TSPAN9: variants seen among roughly 807,000 people sequenced by gnomAD.
TSPAN9 encodes tetraspanin-9.
Under a neutral mutation model 31.0 loss-of-function variants are expected in TSPAN9, and 16 were observed. The observed-to-expected ratio is 0.52, with a 90% CI of 0.35 to 0.78. TSPAN9 has a LOEUF of 0.78. Among genes scored for constraint, TSPAN9 ranks in the 30% least tolerant of loss-of-function variants. The pLI is 0.01. For synonymous variants in TSPAN9, 145 were observed against 121.6 expected (o/e 1.19, Z -1.27); for missense variants, 272 against 312.5 (o/e 0.87, Z 0.98).
intron 3 of TSPAN9, among the ~76,000 whole-genome samples, chr12:3,229,144 G>C (rs1565623529): frequency 6.6e-6 from 1 of 152,200 alleles, no homozygotes; most frequent in South Asian, 2.1e-4. Flanking sequence ...GTTATCTTTG[G>C]AGCCACCATT....
intron 8 of TSPAN9, among the ~76,000 whole-genome samples, chr12:3,282,779 T>C (rs1474053225): frequency 1.3e-5 from 2 of 152,150 alleles, no homozygotes; most frequent in Admixed American, 1.3e-4. Flanking sequence ...CCCCTCTGAG[T>C]AGGCACACGT....
In TSPAN9 at chr12:3,170,832, G is replaced by A. The variant is rs902929904; in HGVS notation, c.-17-30345G>A. On this transcript the variant is annotated intron_variant, in intron 2 of 8. Coordinates refer to ENST00000011898, the MANE Select transcript of TSPAN9 (RefSeq NM_006675.5). This position sits in a 1 kb window ranked among gnomAD's most constrained non-coding sequence, Gnocchi z 4.4. Reference sequence around the variant, plus strand: ...CCATCACCTCGTTTTCTGCCGGGCAGGGACTCCTGGGTTGGCGCTCTCTAA... The same window carrying A: ...CCATCACCTCGTTTTCTGCCGGGCAAGGACTCCTGGGTTGGCGCTCTCTAA... 6.6e-6 allele frequency among the ~76,000 whole-genome samples: 1 copy of A among 152,172 alleles called. No homozygotes were observed. The highest frequency in any genetic ancestry group is 2.4e-5 in the African/African-American group (1 of 41,432).
chr12:3,255,512 A>C (rs1335290270), intron 3 of TSPAN9, among the ~76,000 whole-genome samples: 1 of 147,636 alleles, frequency 6.8e-6, no homozygotes, highest in Non-Finnish European at 1.5e-5. Flanking sequence ...CATATTCCTG[A>C]GATTGTCCCT....
At chr12:3,275,917 T>C (rs953348815) in intron 3 of TSPAN9, among the ~76,000 whole-genome samples, 1 of 152,200 alleles carries the variant, frequency 6.6e-6, no homozygotes, top group African/African-American at 2.4e-5. Flanking sequence ...ACCTTTCTGG[T>C]TCCCCATTTA....
intron 2 of TSPAN9, among the ~76,000 whole-genome samples, chr12:3,112,675 G>GT (rs2098319685): frequency 2.1e-5 from 2 of 93,276 alleles, no homozygotes; most frequent in East Asian, 3.4e-4. Context: ...ATTTATTTTT[G>GT]CTTTTTTTTT....
chr12:3,235,115 GGAGCTTGCAGTGAGCA>G (rs200303714), intron 3 of TSPAN9, among the ~76,000 whole-genome samples: 34,061 of 135,418 alleles, frequency 0.25, 4,847 homozygotes, highest in East Asian at 0.41. Context: ...TGCAGTGAGC[GGAGCTTGCAGTGAGCA>G]GAGCTTGCGC....
intron 3 of TSPAN9, among the ~76,000 whole-genome samples, chr12:3,210,765 G>A (rs1361410405): frequency 6.7e-6 from 1 of 148,584 alleles, no homozygotes; most frequent in East Asian, 2.0e-4. Flanking sequence ...TCCTTTTGAG[G>A]CAGGGTCTCA....
chr12:3,093,064 G>A (rs1360112539), intron 2 of TSPAN9, among the ~76,000 whole-genome samples: 44 of 152,222 alleles, frequency 2.9e-4, no homozygotes, highest in African/African-American at 9.4e-4. Flanking sequence ...GAGTCCTGGC[G>A]TTGTCCTGAA....
Position 3,170,931 on chromosome 12 carries a change from T to C in TSPAN9, c.-17-30246T>C, listed in dbSNP as rs111770250. 3.1e-3 allele frequency among the ~76,000 whole-genome samples: 465 copies of C among 152,296 alleles called. 2 individuals are homozygous for C. The highest frequency in any genetic ancestry group is 0.011 in the African/African-American group (446 of 41,556). On this transcript the variant is annotated intron_variant, in intron 2 of 8. Coordinates refer to ENST00000011898, the MANE Select transcript of TSPAN9 (RefSeq NM_006675.5). This position sits in a 1 kb window ranked among gnomAD's most constrained non-coding sequence, Gnocchi z 4.4. Reference sequence around the variant, plus strand: ...TCTGCGTCTCCACTTGGATGACTAATAGACGTCCTAATGTACTGAAAAGCA... The same window carrying C: ...TCTGCGTCTCCACTTGGATGACTAACAGACGTCCTAATGTACTGAAAAGCA...
intron 3 of TSPAN9, among the ~76,000 whole-genome samples, chr12:3,274,946 C>T (rs1031263819): frequency 6.6e-6 from 1 of 152,218 alleles, no homozygotes; most frequent in South Asian, 2.1e-4. Flanking sequence ...ACTGCGCCCC[C>T]GTAGGGTAGG....
At chr12:3,188,569 G>C (rs1325386766) in intron 2 of TSPAN9, among the ~76,000 whole-genome samples, 1 of 152,202 alleles carries the variant, frequency 6.6e-6, no homozygotes, top group Non-Finnish European at 1.5e-5. Context: ...GCAGCAGTGT[G>C]GGGGAGGGGA....
chr12:3,121,659 T>G (rs1372861575), intron 2 of TSPAN9, among the ~76,000 whole-genome samples: 2 of 150,062 alleles, frequency 1.3e-5, no homozygotes, highest in Non-Finnish European at 2.9e-5. Flanking sequence ...GTTATAGATA[T>G]GAGCCACTGC....
At chr12:3,109,116 T>C (rs1018348624) in intron 2 of TSPAN9, among the ~76,000 whole-genome samples, 2 of 151,826 alleles carry the variant, frequency 1.3e-5, no homozygotes, top group Non-Finnish European at 2.9e-5. Flanking sequence ...TTTGCATTTT[T>C]AGTAGAGACG....
At chr12:3,213,699 TG>T (rs1489704890) in intron 3 of TSPAN9, among the ~76,000 whole-genome samples, 1 of 151,908 alleles carries the variant, frequency 6.6e-6, no homozygotes, top group East Asian at 1.9e-4. Flanking sequence ...GTCTGAAAAG[TG>T]CATATTTCAC....
At chr12:3,219,161 C>T (rs758642074) in intron 3 of TSPAN9, among the ~76,000 whole-genome samples, 2 of 152,196 alleles carry the variant, frequency 1.3e-5, no homozygotes, top group Non-Finnish European at 1.5e-5. Context: ...TGTGTAAGCT[C>T]GGAGTTGGAC....
At position 3,192,731 on chromosome 12, in the gene TSPAN9, G is replaced by A. The variant is rs986310573; in HGVS notation, c.-17-8446G>A. Among the ~76,000 whole-genome samples, 1 of 152,124 alleles carries A rather than the reference G, an allele frequency of 6.6e-6. No individual in the cohort carries two copies. Among genetic ancestry groups the A allele is most frequent in the Non-Finnish European group, 1.5e-5 (1 of 68,030 alleles). ...AGCATGCAGATGGCCCTGGAACGGAGGAGATGGTCATATAGAGGAAAGTTG... is the reference window on the plus strand; with the variant it reads ...AGCATGCAGATGGCCCTGGAACGGAAGAGATGGTCATATAGAGGAAAGTTG... On this transcript the variant is annotated intron_variant, in intron 2 of 8. Transcript: ENST00000011898. This position sits in a 1 kb window ranked among gnomAD's most constrained non-coding sequence, Gnocchi z 4.6.
At chr12:3,178,173 A>G (rs1591662272) in intron 2 of TSPAN9, among the ~76,000 whole-genome samples, 1 of 151,694 alleles carries the variant, frequency 6.6e-6, no homozygotes. Flanking sequence ...TCCGCTACCC[A>G]CGTATCCACT....
At chr12:3,278,861 C>T (rs1460850694) in intron 4 of TSPAN9, 131 bp from the exon 5 acceptor site, 1 of 1,045,458 alleles carries the variant, frequency 9.6e-7, no homozygotes, top group Non-Finnish European at 1.4e-6. Flanking sequence ...TCTGGGTTTC[C>T]TCAGGAGGAG....
chr12:3,133,273 G>A (rs2153967140), intron 2 of TSPAN9, among the ~76,000 whole-genome samples: 1 of 152,300 alleles, frequency 6.6e-6, no homozygotes, highest in Middle Eastern at 3.4e-3. Flanking sequence ...TCTGTCCCGG[G>A]AGGCCTGGTC....
Sources: gnomAD v4.1 joint callset for allele counts (sites outside exome capture counted in the v4.1 genomes callset) on GRCh38, gnomAD v4.1.1 for gene constraint, Gnocchi (gnomAD v3.1) non-coding constraint, MANE v1.5 for transcripts, NCBI Gene and HGNC (gene_info 2026-07-23, HGNC 2026-07-21) for gene names.